Variants in COL5A1 observed in about 807,000 individuals in gnomAD.
The protein encoded by COL5A1 is collagen type V alpha 1 chain.
COL5A1 carries 16 observed loss-of-function variants against 263.7 expected under a neutral mutation model. The observed-to-expected ratio is 0.06, with a 90% confidence interval of 0.04 to 0.09. The LOEUF is 0.09. Ranked by LOEUF, COL5A1 falls within the 10% of genes least tolerant of loss-of-function variation. COL5A1 has a pLI of 1.00. For missense variants in COL5A1, 2,036 were observed against 2,540.5 expected (o/e 0.80, Z 4.27); for synonymous variants, 1,012 against 1,004.5 (o/e 1.01, Z -0.14).
At chr9:134,694,992 C>T (rs1459862257) in intron 2 of COL5A1, among the ~76,000 whole-genome samples, 1 of 152,170 alleles carries the variant, frequency 6.6e-6, no homozygotes, top group Non-Finnish European at 1.5e-5. Flanking sequence ...TGACCCAGAT[C>T]TGAGCTGTCC....
chr9:134,699,222 G>A (rs1833583532), intron 2 of COL5A1, among the ~76,000 whole-genome samples: 1 of 152,218 alleles, frequency 6.6e-6, no homozygotes. Flanking sequence ...GCCAGCCTGG[G>A]TCTGCCTTTT....
intron 65 of COL5A1, among the ~76,000 whole-genome samples, chr9:134,840,703 T>C (rs1839998304): frequency 6.6e-6 from 1 of 152,198 alleles, no homozygotes; most frequent in Admixed American, 6.5e-5. Flanking sequence ...GCTGGAAGTC[T>C]GTGAGCAGGT....
At chr9:134,654,531 GT>G (rs2132481348) in intron 1 of COL5A1, among the ~76,000 whole-genome samples, 1 of 127,942 alleles carries the variant, frequency 7.8e-6, no homozygotes, top group East Asian at 2.6e-4. Context: ...GCAGGGCTGG[GT>G]GTGTGTAGGG....
intron 63 of COL5A1, 96 bp from the exon 64 acceptor site, chr9:134,829,879 CG>C: frequency 2.2e-6 from 3 of 1,373,338 alleles, no homozygotes; most frequent in Non-Finnish European, 3.0e-6. Flanking sequence ...GATGCAGGCG[CG>C]GGGGCCGGGA....
At position 134,730,381 on chromosome 9, in the gene COL5A1, A is replaced by G. The variant is rs1424409859; in HGVS notation, c.1070A>G (p.Tyr357Cys). Reference sequence around the variant, plus strand: ...CCCTCACCGTATGATGACCTCACCTATGGCGAGGGGGAGGAGAACCCCGAC... The same window carrying G: ...CCCTCACCGTATGATGACCTCACCTGTGGCGAGGGGGAGGAGAACCCCGAC... ...YTPSPYDDLT[Y>C]GEGEENPDQP... The change falls in exon 7 of 66, where the codon TAT (tyrosine) becomes TGT (cysteine). Residue 357 changes from tyrosine to cysteine, a missense_variant. Around this residue, in one of 3 missense-constraint regions of COL5A1, gnomAD observed 600 missense variants for 634.5 expected, o/e 0.95. Transcript: ENST00000371817. The G allele has an allele frequency of 6.2e-7, 1 of 1,614,212 alleles. No individual in the cohort carries two copies. The highest frequency in any genetic ancestry group is 1.7e-5 in the Admixed American group (1 of 60,028).
rs1833638873 is a variant in COL5A1 at position 134,700,664 on chromosome 9, T to G, written c.492-507T>G. Reference sequence around the variant, plus strand: ...ATTTCTGAATTCTTCGCCAAGACTTTCAGACAGATCCACTCCTTCCACCAT... The same window carrying G: ...ATTTCTGAATTCTTCGCCAAGACTTGCAGACAGATCCACTCCTTCCACCAT... On this transcript the variant is annotated intron_variant, in intron 3 of 65. Transcript: ENST00000371817. This position sits in a 1 kb window ranked among gnomAD's most constrained non-coding sequence, Gnocchi z 4.0. Among the ~76,000 whole-genome samples, 1 of 152,236 alleles carries G rather than the reference T, an allele frequency of 6.6e-6. No homozygotes were observed. The highest frequency in any genetic ancestry group is 2.1e-4 in the South Asian group (1 of 4,832).
At chr9:134,751,008 CT>C in intron 13 of COL5A1, 126 bp downstream of exon 13, 2 of 850,742 alleles carry the variant, frequency 2.4e-6, no homozygotes, top group Non-Finnish European at 3.9e-6. Context: ...CCCAGAATGC[CT>C]GCTTGCTGGG....
At position 134,758,478 on chromosome 9, in the gene COL5A1, G is replaced by A. The variant is rs1372144259; in HGVS notation, c.1935+182G>A. Reference sequence around the variant, plus strand: ...CAGTGAGCCCCAAGATGATGTCTTTGTTGATGGGTGGCCAGCCCAAAGGAA... The same window carrying A: ...CAGTGAGCCCCAAGATGATGTCTTTATTGATGGGTGGCCAGCCCAAAGGAA... On this transcript the variant is annotated intron_variant, in intron 18 of 65. Transcript: ENST00000371817. The surrounding 1 kb of genome is among the most constrained non-coding windows in gnomAD (Gnocchi z 4.1). Among the ~76,000 whole-genome samples, 4 of 152,122 alleles carry A rather than the reference G, an allele frequency of 2.6e-5. No individual in the cohort carries two copies. The highest frequency in any genetic ancestry group is 6.5e-5 in the Admixed American group (1 of 15,284).
intron 18 of COL5A1, among the ~76,000 whole-genome samples, chr9:134,759,870 ATG>A (rs202136009): frequency 1.3e-5 from 1 of 75,704 alleles, no homozygotes. Flanking sequence ...ACACTCACAC[ATG>A]CACACACACC....
chr9:134,801,709 C>G (rs1432974820), intron 37 of COL5A1, among the ~76,000 whole-genome samples: 6 of 114,952 alleles, frequency 5.2e-5, no homozygotes, highest in Non-Finnish European at 1.1e-4. Context: ...ATCACTTGAA[C>G]CTGGGAGGCA....
At position 134,677,608 on chromosome 9, in the gene COL5A1, C is replaced by T. The variant is rs1428648542; in HGVS notation, c.110-13304C>T. Among the ~76,000 whole-genome samples the T allele has an allele frequency of 1.3e-5, 2 of 152,240 alleles. No individual in the cohort carries two copies. The highest frequency in any genetic ancestry group is 1.5e-5 in the Non-Finnish European group (1 of 68,032). On this transcript the variant is annotated intron_variant, in intron 1 of 65. Coordinates refer to ENST00000371817, the MANE Select transcript of COL5A1 (RefSeq NM_000093.5). This position sits in a 1 kb window ranked among gnomAD's most constrained non-coding sequence, Gnocchi z 4.4. ...TTCCTTCCCCCATCACTCCTTGGCA[C>T]AGCCACCCTTCATCCAGCCGTCCCT...
chr9:134,715,541 G>A (rs947437826), intron 4 of COL5A1, among the ~76,000 whole-genome samples: 8 of 152,154 alleles, frequency 5.3e-5, no homozygotes, highest in East Asian at 3.9e-4. Flanking sequence ...ACTATCACAC[G>A]GGGAGGAACT....
chr9:134,690,833 C>G (rs2132550651), intron 1 of COL5A1, 79 bp from the exon 2 acceptor site: 1 of 1,560,076 alleles, frequency 6.4e-7, no homozygotes, highest in South Asian at 1.1e-5. Context: ...GGGGTGCTTC[C>G]TGTCATCCCA....
chr9:134,691,402 G>A (rs1444623704), intron 2 of COL5A1, among the ~76,000 whole-genome samples: 1 of 152,228 alleles, frequency 6.6e-6, no homozygotes, highest in Non-Finnish European at 1.5e-5. Flanking sequence ...GAAAGAGTCG[G>A]ATGGGTCCTG....
intron 32 of COL5A1, 51 bp from the exon 33 acceptor site, chr9:134,795,031 G>A (rs1837845404): frequency 6.3e-7 from 1 of 1,595,314 alleles, no homozygotes; most frequent in African/African-American, 1.3e-5. Flanking sequence ...TGCCACCTGA[G>A]CAGGGCCGGG....
intron 39 of COL5A1, 64 bp from the exon 40 acceptor site, chr9:134,804,911 C>T (rs1301529787): frequency 7.0e-7 from 1 of 1,432,596 alleles, no homozygotes; most frequent in South Asian, 1.1e-5. Flanking sequence ...TGGCTTCGCT[C>T]TGGGGCTGGT....
chr9:134,786,409 T>C (rs1252583101), intron 31 of COL5A1, among the ~76,000 whole-genome samples: 2 of 152,180 alleles, frequency 1.3e-5, no homozygotes, highest in Non-Finnish European at 2.9e-5. Context: ...AGGAGGCTCT[T>C]GGGCAATGAG....
intron 11 of COL5A1, among the ~76,000 whole-genome samples, chr9:134,745,532 C>G (rs1252173344): frequency 6.6e-6 from 1 of 152,158 alleles, no homozygotes; most frequent in Non-Finnish European, 1.5e-5. Flanking sequence ...TGTGGATTTT[C>G]TGGTTGTTAG....
intron 24 of COL5A1, 144 bp from the exon 25 acceptor site, chr9:134,768,266 C>T (rs1836747412): frequency 2.5e-6 from 2 of 804,214 alleles, no homozygotes; most frequent in South Asian, 1.4e-5. Context: ...GCACGCCTCA[C>T]AGCCAGGGAC....
Sources: gnomAD v4.1 joint callset for allele counts (sites outside exome capture counted in the v4.1 genomes callset) on GRCh38, gnomAD v4.1.1 for gene constraint, gnomAD v4.1.1 regional missense constraint, Gnocchi (gnomAD v3.1) non-coding constraint, MANE v1.5 for transcripts, NCBI Gene and HGNC (gene_info 2026-07-23, HGNC 2026-07-21) for gene names.